The following FN3K variants were observed in gnomAD, a reference collection of about 807,000 sequenced individuals.
FN3K encodes the protein fructosamine-3-kinase.
FN3K carries 24 observed loss-of-function variants against 24.8 expected under a neutral mutation model. The observed-to-expected ratio is 0.97, with a 90% CI of 0.70 to 1.36. FN3K has a LOEUF of 1.36. Among genes scored for constraint, FN3K ranks in the 40% most tolerant of loss-of-function variants. The probability of loss-of-function intolerance (pLI) is 0.00; values close to 1 mark genes in which losing one functional copy is unlikely to be tolerated. For synonymous variants in FN3K, 192 were observed against 175.2 expected (o/e 1.10, Z -0.76); for missense variants, 449 against 416.7 (o/e 1.08, Z -0.67).
At chr17:82,736,009 G>C (rs1376979799) in intron 1 of FN3K, 1 of 559,834 alleles carries the variant, frequency 1.8e-6, no homozygotes, top group Non-Finnish European at 3.1e-6. Flanking sequence ...GCTTCTAGGG[G>C]TGGTTTTAAC....
intron 3 of FN3K, 40 bp from the exon 4 acceptor site, chr17:82,741,271 A>G: frequency 6.3e-7 from 1 of 1,588,474 alleles, no homozygotes; most frequent in East Asian, 2.3e-5. Flanking sequence ...TTTAAGAGAA[A>G]GACAAACAGC....
At chr17:82,738,927 T>TATATATATATACAC (rs1237828868) in intron 2 of FN3K, among the ~76,000 whole-genome samples, 2 of 23,612 alleles carry the variant, frequency 8.5e-5, no homozygotes, top group African/African-American at 3.3e-4. Flanking sequence ...TATATACACA[T>TATATATATATACAC]ATATATATAT....
chr17:82,744,328 T>G (rs556829842), intron 4 of FN3K, among the ~76,000 whole-genome samples: 6 of 152,280 alleles, frequency 3.9e-5, no homozygotes, highest in African/African-American at 1.4e-4. Flanking sequence ...ATTTAAAATG[T>G]ATAATTTGGT....
rs1355753057 is a variant in FN3K at position 82,738,938 on chromosome 17, A to ACGTG, written c.293+298_293+299insCGTG. ...TATATATATACACATATATATATATATATATATATTTTTTTTTTTTTTGAA... is the reference window on the plus strand; with the variant it reads ...TATATATATACACATATATATATATACGTGTATATATATTTTTTTTTTTTTTGAA... On this transcript the variant is annotated intron_variant, in intron 2 of 5. Transcript: ENST00000300784. Among the ~76,000 whole-genome samples, 246 of 101,570 alleles carry ACGTG rather than the reference A, an allele frequency of 2.4e-3. 9 individuals are homozygous for ACGTG. Among genetic ancestry groups the ACGTG allele is most frequent in the African/African-American group, 9.7e-3 (239 of 24,516 alleles). The allele number at this position is 101,570 out of a possible 152,430, so 66.6% of individuals were successfully genotyped here. A position where few individuals can be genotyped will look rare whatever the true frequency, so the allele number is the denominator to read the frequency against.
At chr17:82,741,195 C>T (rs2046939217) in intron 3 of FN3K, 116 bp from the exon 4 acceptor site, 4 of 911,828 alleles carry the variant, frequency 4.4e-6, no homozygotes, top group Admixed American at 2.0e-5. Context: ...GTAGTACATC[C>T]TCAGACCACC....
chr17:82,741,484 C>A, intron 4 of FN3K, 91 bp downstream of exon 4: 1 of 1,162,624 alleles, frequency 8.6e-7, no homozygotes, highest in Non-Finnish European at 1.3e-6. Context: ...CAAGCACCAG[C>A]AAGATTGACT....
Position 82,738,498 on chromosome 17 carries a change from A to G in FN3K, c.151A>G (p.Met51Val), listed in dbSNP as rs779452765. ...TGTGTTCTGGATGCAGGCCCGGCAGATGTTTGAGGGGGAGGTGGCCAGCCT... is the reference window on the plus strand; with the variant it reads ...TGTGTTCTGGATGCAGGCCCGGCAGGTGTTTGAGGGGGAGGTGGCCAGCCT... ...KVNRRTQARQ[M>V]FEGEVASLEA... The change falls in exon 2 of 6, where the codon ATG becomes GTG. Residue 51 changes from methionine to valine, a missense_variant. Met to Val is a conservative substitution (Grantham distance 21). Transcript: ENST00000300784. The G allele has an allele frequency of 3.7e-6, 6 of 1,612,110 alleles. No individual in the cohort carries two copies. The African/African-American group carries it at 8.0e-5, about 22-fold the overall frequency.
At chr17:82,747,697 C>T (rs1352349238) in intron 4 of FN3K, among the ~76,000 whole-genome samples, 1 of 152,218 alleles carries the variant, frequency 6.6e-6, no homozygotes, top group Non-Finnish European at 1.5e-5. Flanking sequence ...CCAGGCCTGG[C>T]CTTCCTATTG....
Position 82,740,747 on chromosome 17 carries a change from TTTC to T in FN3K, c.294-10_294-8del. ...TTATTTGTTATTTTAATTAGCTGCA[TTTC>T]TTCTTTCCTCAGTCAAGCATCAAAA... On this transcript the variant is annotated splice_polypyrimidine_tract_variant and intron_variant, in intron 2 of 5. Coordinates refer to ENST00000300784, the MANE Select transcript of FN3K (RefSeq NM_022158.4). 6.3e-7 allele frequency: 1 copy of T among 1,590,824 alleles called. No homozygotes were observed. Among genetic ancestry groups the T allele is most frequent in the Non-Finnish European group, 8.6e-7 (1 of 1,159,554 alleles).
At chr17:82,744,673 C>T (rs1384915670) in intron 4 of FN3K, among the ~76,000 whole-genome samples, 1 of 152,116 alleles carries the variant, frequency 6.6e-6, no homozygotes, top group Non-Finnish European at 1.5e-5. Context: ...TATGGAGGAT[C>T]CCGCCAGCCT....
chr17:82,750,414 T>C lies in FN3K; in HGVS notation c.592-3T>C. On this transcript the variant is annotated splice_polypyrimidine_tract_variant and splice_region_variant and intron_variant, in intron 5 of 5. Transcript: ENST00000300784. ...GCGATAACTGCAGCCGTTGCTCTCG[T>C]AGGTGAAGATCCCGGATCTGTTTTG... The C allele has an allele frequency of 6.2e-7, 1 of 1,613,754 alleles. No homozygotes were observed. The highest frequency in any genetic ancestry group is 8.5e-7 in the Non-Finnish European group (1 of 1,179,698).
intron 5 of FN3K, among the ~76,000 whole-genome samples, chr17:82,750,083 A>C (rs937014375): frequency 6.6e-6 from 1 of 151,746 alleles, no homozygotes; most frequent in African/African-American, 2.4e-5. Context: ...AAAACCAAAC[A>C]AAACCTGCAG....
rs778030260 is a variant in FN3K, at chr17:82,748,914, G to C, written c.528G>C (p.Gln176His). Reference protein sequence around the residue: ...TFFARHRLQAQLDLIEKDYAD... With the variant: ...TFFARHRLQAHLDLIEKDYAD... ...TCGCCCGGCACCGGCTCCAGGCGCA[G>C]CTGGACCTCATTGAGAAGGACTATG... Residue 176 changes from glutamine (Q) to histidine (H), a missense_variant, in exon 5 of 6, where the codon CAG becomes CAC. Gln to His is a conservative substitution (Grantham distance 24). Coordinates refer to ENST00000300784, the MANE Select transcript of FN3K (RefSeq NM_022158.4). 1 of 1,614,102 alleles carries C rather than the reference G, an allele frequency of 6.2e-7. No individual in the cohort carries two copies. Among genetic ancestry groups the C allele is most frequent in the Non-Finnish European group, 8.5e-7 (1 of 1,180,038 alleles).
Position 82,740,763 on chromosome 17 carries a change from T to A in FN3K, c.294T>A (p.Ser98Arg), listed in dbSNP as rs1211643691. 1 of 1,610,850 alleles carries A rather than the reference T, an allele frequency of 6.2e-7. No homozygotes were observed. The highest frequency in any genetic ancestry group is 8.5e-7 in the Non-Finnish European group (1 of 1,177,208). ...TTAGCTGCATTTCTTCTTTCCTCAG[T>A]CAAGCATCAAAACTTGGAGAGCAGA... ...MEHLKMKSLSSQASKLGEQMA... is the reference protein window; with the variant it reads ...MEHLKMKSLSRQASKLGEQMA... The change falls in exon 3 of 6, where the codon AGT becomes AGA. Residue 98 changes from serine (S) to arginine (R), a missense_variant and splice_region_variant. By Grantham distance (110) the Ser-to-Arg change is moderately radical. Coordinates refer to ENST00000300784, the MANE Select transcript of FN3K (RefSeq NM_022158.4).
intron 5 of FN3K, among the ~76,000 whole-genome samples, chr17:82,750,090 GCAGACATATATGT>G (rs2046993269): frequency 6.6e-6 from 1 of 150,878 alleles, no homozygotes; most frequent in Non-Finnish European, 1.5e-5. Context: ...AACAAAACCT[GCAGACATATATGT>G]GTAGCGAAAT....
intron 3 of FN3K, 126 bp downstream of exon 3, chr17:82,740,980 A>G: frequency 4.2e-6 from 3 of 711,444 alleles, no homozygotes; most frequent in South Asian, 1.6e-5. Flanking sequence ...TCTTTACACT[A>G]CATTATGAAA....
intron 4 of FN3K, among the ~76,000 whole-genome samples, chr17:82,748,142 C>CTTT (rs145352692): frequency 2.1e-5 from 3 of 141,872 alleles, no homozygotes; most frequent in African/African-American, 5.1e-5. Flanking sequence ...CTCTAGCTTT[C>CTTT]TTTTTTTTTT....
intron 4 of FN3K, chr17:82,742,679 A>G: frequency 2.2e-6 from 1 of 456,128 alleles, no homozygotes; most frequent in South Asian, 1.5e-5. Context: ...GTGAAGTTCC[A>G]AAGAAGACTT....
Position 82,738,587 on chromosome 17 carries a change from G to A in FN3K, c.240G>A (p.Pro80=). ...GGCCCATGAAGGTCATCGACCTGCC[G>A]GGAGGTGGGGCCGCCTTTGTGATGG... is the stretch of plus-strand genomic sequence containing the variant. ...VPRPMKVIDL[P]GGGAAFVMEH... Residue 80 remains proline (P), a synonymous_variant, in exon 2 of 6, where the codon CCG becomes CCA. Coordinates refer to ENST00000300784, the MANE Select transcript of FN3K (RefSeq NM_022158.4). 9 of 1,614,084 alleles carry A rather than the reference G, an allele frequency of 5.6e-6. No homozygotes were observed. Among genetic ancestry groups the A allele is most frequent in the East Asian group, 2.2e-5 (1 of 44,888 alleles).
Sources: gnomAD v4.1 joint callset for allele counts (sites outside exome capture counted in the v4.1 genomes callset) on GRCh38, gnomAD v4.1.1 for gene constraint, MANE v1.5 for transcripts, NCBI Gene and HGNC (gene_info 2026-07-23, HGNC 2026-07-21) for gene names.